The following C14orf93 variants were observed in gnomAD, a reference collection of about 807,000 sequenced individuals.
C14orf93 encodes uncharacterized protein C14orf93.
Under a neutral mutation model 44.0 loss-of-function variants are expected in C14orf93, and 23 were observed. The ratio of observed to expected loss-of-function variants is 0.52; its 90% CI spans 0.38 to 0.74. C14orf93 has a LOEUF of 0.74. Among genes scored for constraint, C14orf93 ranks in the 30% least tolerant of loss-of-function variants. The pLI is 0.00. For missense variants in C14orf93, 579 were observed against 678.9 expected (o/e 0.85, Z 1.64); for synonymous variants, 253 against 265.7 (o/e 0.95, Z 0.46).
intron 3 of C14orf93, among the ~76,000 whole-genome samples, chr14:22,995,551 G>A (rs1262544475): frequency 6.6e-6 from 1 of 151,766 alleles, no homozygotes; most frequent in Non-Finnish European, 1.5e-5. Context: ...GTGGTGGCAC[G>A]TGCCTGTAAT....
In C14orf93 at chr14:22,996,977, GCACACGCACACACACA is replaced by G. The variant is rs58203639; in HGVS notation, c.598-725_598-710del. ...AAATACTGAAAGTGGGGACACACACGCACACGCACACACACACACACACACACACACACAGAAAGAT... is the reference window on the plus strand; with the variant it reads ...AAATACTGAAAGTGGGGACACACACGCACACACACACACACACAGAAAGAT... On this transcript the variant is annotated intron_variant, in intron 2 of 6. Transcript: ENST00000299088. This position sits in a 1 kb window ranked among gnomAD's most constrained non-coding sequence, Gnocchi z 4.1. 0.034 allele frequency among the ~76,000 whole-genome samples: 5,087 copies of G among 149,328 alleles called. 294 individuals carry two copies. The highest frequency in any genetic ancestry group is 0.12 in the African/African-American group (4,793 of 39,180).
At chr14:23,007,878 C>T (rs1028820477) in intron 1 of C14orf93, among the ~76,000 whole-genome samples, 4 of 152,138 alleles carry the variant, frequency 2.6e-5, no homozygotes, top group African/African-American at 7.2e-5. Context: ...ACTGGCCGGG[C>T]GCGGTGGCTC....
In C14orf93 at chr14:22,998,612, G is replaced by A. The variant is rs748171284; in HGVS notation, c.412C>T (p.Leu138=). 1.2e-6 allele frequency: 2 copies of A among 1,614,068 alleles called. No homozygotes were observed. Among genetic ancestry groups the A allele is most frequent in the African/African-American group, 1.3e-5 (1 of 74,934 alleles). Residue 138 remains leucine (L), a synonymous_variant, in exon 2 of 7, where the codon CTG becomes TTG. Coordinates refer to ENST00000299088, the MANE Select transcript of C14orf93 (RefSeq NM_021944.4). ...KESPGEAFKA[L]SAVEEECDSV... ...TCACACTCCTCTTCCACGGCAGACA[G>A]AGCCTTAAAGGCTTCCCCGGGACTT...
At chr14:23,005,592 A>C (rs941087807) in intron 1 of C14orf93, 3 of 152,230 alleles carry the variant, frequency 2.0e-5, no homozygotes, top group African/African-American at 7.2e-5. Context: ...GACTAGGTCT[A>C]AAAAAGAGAA....
At chr14:23,002,155 A>G (rs1312625707) in intron 1 of C14orf93, among the ~76,000 whole-genome samples, 2 of 151,152 alleles carry the variant, frequency 1.3e-5, no homozygotes, top group East Asian at 1.9e-4. Context: ...TCTCAAAAAA[A>G]AAAAAAAAAG....
intron 1 of C14orf93, among the ~76,000 whole-genome samples, chr14:23,008,933 G>T (rs140555251): frequency 1.1e-4 from 17 of 152,318 alleles, no homozygotes; most frequent in African/African-American, 4.1e-4. Context: ...TACTTTGCCA[G>T]CTGTGGAGCT....
In C14orf93 at chr14:22,986,665, A is replaced by G. The variant is rs971245629; in HGVS notation, c.*550T>C. ...TGTAATTCAATAAACAATAGCTATT[A>G]TATCAGGAACCCAATTCCCCAATAG... is the stretch of plus-strand genomic sequence containing the variant. On this transcript the variant is annotated 3_prime_UTR_variant, in exon 7 of 7. Coordinates refer to ENST00000299088, the MANE Select transcript of C14orf93 (RefSeq NM_021944.4). The G allele has an allele frequency of 1.3e-5, 2 of 155,188 alleles. No individual in the cohort carries two copies. Among genetic ancestry groups the G allele is most frequent in the African/African-American group, 4.8e-5 (2 of 41,472 alleles). 9.6% of individuals were successfully genotyped at this position (155,188 alleles called of 1,614,324 possible). A position where few individuals can be genotyped will look rare whatever the true frequency, so the allele number is the denominator to read the frequency against.
Position 22,990,084 on chromosome 14 carries a change from C to T in C14orf93, c.962G>A (p.Arg321Lys). The T allele has an allele frequency of 6.2e-7, 1 of 1,613,584 alleles. No homozygotes were observed. Among genetic ancestry groups the T allele is most frequent in the South Asian group, 1.1e-5 (1 of 91,018 alleles). The change falls in exon 4 of 7, where the codon AGA becomes AAA. Residue 321 changes from arginine (R) to lysine (K), a missense_variant. Arg to Lys is a conservative substitution (Grantham distance 26). Coordinates refer to ENST00000299088, the MANE Select transcript of C14orf93 (RefSeq NM_021944.4). ...ACCATACCTTTCAGACCCATTGAAT[C>T]TCTTGTCATTGGTGATGTGGTTATG... ...NVHNHITNDKRFNGSESIKSS... is the reference protein window; with the variant it reads ...NVHNHITNDKKFNGSESIKSS...
chr14:22,988,054 C>G (rs1371799709), intron 5 of C14orf93, 39 bp from the exon 6 acceptor site: 2 of 1,444,790 alleles, frequency 1.4e-6, no homozygotes, highest in East Asian at 4.5e-5. Context: ...AAGGAGGGTC[C>G]TCTGAGTAGT....
chr14:22,996,340 G>A lies in C14orf93; in HGVS notation c.598-72C>T, dbSNP rs907851396. ...GAACCTGGTTAACCATCATTCTTTG[G>A]CTAAGAATAGTGAACAGAAAGTGGA... On this transcript the variant is annotated intron_variant, in intron 2 of 6. Transcript: ENST00000299088. This position sits in a 1 kb window ranked among gnomAD's most constrained non-coding sequence, Gnocchi z 4.1. 1.4e-6 allele frequency: 2 copies of A among 1,404,326 alleles called. No individual in the cohort carries two copies. Among genetic ancestry groups the A allele is most frequent in the Admixed American group, 4.8e-5 (2 of 42,004 alleles). 87.0% of individuals were successfully genotyped at this position (1,404,326 alleles called of 1,614,324 possible).
At chr14:23,004,328 A>G (rs959787815) in intron 1 of C14orf93, among the ~76,000 whole-genome samples, 1 of 151,288 alleles carries the variant, frequency 6.6e-6, no homozygotes, top group Non-Finnish European at 1.5e-5. Context: ...CTTCTGCCTC[A>G]GCCTCCCGAA....
rs183916910 is a variant in C14orf93 at position 22,989,271 on chromosome 14, G to A, written c.1084+471C>T. 2.0e-5 allele frequency among the ~76,000 whole-genome samples: 3 copies of A among 152,320 alleles called. No homozygotes were observed. In the East Asian group the frequency reaches 5.8e-4, roughly 29 times the overall value. On this transcript the variant is annotated intron_variant, in intron 5 of 6. Coordinates refer to ENST00000299088, the MANE Select transcript of C14orf93 (RefSeq NM_021944.4). ...GCTTCCCAAAGTGCTAGGATTACAG[G>A]GATGAGCCACGTTACCTGGCTCTAC...
At chr14:22,988,052 T>C in intron 5 of C14orf93, 37 bp from the exon 6 acceptor site, 1 of 1,456,438 alleles carries the variant, frequency 6.9e-7, no homozygotes. Flanking sequence ...AGAAGGAGGG[T>C]CCTCTGAGTA....
chr14:22,998,383 A>C, intron 2 of C14orf93, 44 bp downstream of exon 2: 1 of 1,458,994 alleles, frequency 6.9e-7, no homozygotes, highest in Non-Finnish European at 9.1e-7. Context: ...GTGAAAAGCC[A>C]GGAAAAGCAC....
At chr14:22,994,497 C>A (rs147527760) in intron 3 of C14orf93, among the ~76,000 whole-genome samples, 2 of 150,562 alleles carry the variant, frequency 1.3e-5, no homozygotes, top group African/African-American at 4.9e-5. Flanking sequence ...CAGAGCGAGA[C>A]TAAAAACAAT....
chr14:23,007,298 T>A (rs957073520), intron 1 of C14orf93, among the ~76,000 whole-genome samples: 17 of 152,166 alleles, frequency 1.1e-4, no homozygotes, highest in African/African-American at 4.1e-4. Flanking sequence ...AGGGGCCTCC[T>A]CAGGGAGGGA....
rs776382429 is a variant in C14orf93, at chr14:22,996,106, T to C, written c.760A>G (p.Met254Val). The change falls in exon 3 of 7, where the codon ATG (methionine) becomes GTG (valine). Residue 254 changes from methionine to valine, a missense_variant. Met to Val is a conservative substitution (Grantham distance 21, BLOSUM62 1). Transcript: ENST00000299088. This position sits in a 1 kb window ranked among gnomAD's most constrained non-coding sequence, Gnocchi z 4.1. ...TCCAGCGCAGCAGCGGCATTGAGCA[T>C]GTCCTCAGGGCGGGGTGGTGGCAGC... ...TKLPPPRPED[M>V]LNAAAALDSA... is the part of the protein sequence containing the mutation. 3.2e-5 allele frequency: 52 copies of C among 1,613,890 alleles called. No homozygotes were observed. Among genetic ancestry groups the C allele is most frequent in the Non-Finnish European group, 4.2e-5 (49 of 1,180,012 alleles).
Position 22,998,441 on chromosome 14 carries a change from G to A in C14orf93, c.583C>T (p.Pro195Ser), listed in dbSNP as rs201062000. Residue 195 changes from proline (P) to serine (S), a missense_variant, in exon 2 of 7, where the codon CCC becomes TCC. Transcript: ENST00000299088. The stretch of plus-strand genomic sequence containing the variant: ...GCCATACTCACAGGATTGAGCAGGG[G>A]GGCCGCCTCGCTGGCAGCCAGCGTG... ...GCTLAASEAA[P>S]LLNPLVDDYV... 132 of 1,576,638 alleles carry A rather than the reference G, an allele frequency of 8.4e-5. No homozygotes were observed. The East Asian group carries it at 2.8e-3, about 33-fold the overall frequency.
rs558005650 is a variant in C14orf93 at position 22,996,403 on chromosome 14, G to A, written c.598-135C>T. Reference sequence around the variant, plus strand: ...TCTAGCACAGTCTTTAATGGTCAATGGCTTGTTTCTCTGGGACTCCTATGA... The same window carrying A: ...TCTAGCACAGTCTTTAATGGTCAATAGCTTGTTTCTCTGGGACTCCTATGA... On this transcript the variant is annotated intron_variant, in intron 2 of 6. Coordinates refer to ENST00000299088, the MANE Select transcript of C14orf93 (RefSeq NM_021944.4). The surrounding 1 kb of genome is among the most constrained non-coding windows in gnomAD (Gnocchi z 4.1). 1.6e-4 allele frequency: 145 copies of A among 880,004 alleles called. 1 individual carries two copies. In the Admixed American group the frequency reaches 4.0e-3, roughly 24 times the overall value. 54.5% of individuals were successfully genotyped at this position (880,004 alleles called of 1,614,324 possible).
Sources: allele counts gnomAD v4.1 joint callset (sites outside exome capture counted in the v4.1 genomes callset), GRCh38; gene constraint gnomAD v4.1.1; non-coding constraint Gnocchi (gnomAD v3.1); transcripts MANE v1.5; gene names NCBI Gene and HGNC (gene_info 2026-07-23, HGNC 2026-07-21).